Variants in B3GALNT2 observed in about 807,000 individuals in gnomAD.
B3GALNT2 encodes the protein UDP-GalNAc:beta-1,3-N-acetylgalactosaminyltransferase 2.
A neutral mutation model predicts 61.1 loss-of-function variants in B3GALNT2; 53 were observed. The ratio of observed to expected loss-of-function variants is 0.87; its 90% CI spans 0.70 to 1.09. The LOEUF (loss-of-function observed/expected upper bound fraction) is 1.09, where lower values mean the gene tolerates loss of function less well. Ranked by LOEUF, B3GALNT2 falls within the 50% of genes least tolerant of loss-of-function variation. The pLI, the probability that B3GALNT2 is intolerant of heterozygous loss-of-function variation, is 0.00. For missense variants in B3GALNT2, 544 were observed against 623.0 expected (o/e 0.87, Z 1.35); for synonymous variants, 223 against 237.4 (o/e 0.94, Z 0.56).
intron 1 of B3GALNT2, among the ~76,000 whole-genome samples, chr1:235,498,501 A>C (rs1249364710): frequency 2.0e-5 from 3 of 152,206 alleles, no homozygotes; most frequent in African/African-American, 7.2e-5. Flanking sequence ...GATTGTAACT[A>C]AATGATGGTA....
intron 4 of B3GALNT2, among the ~76,000 whole-genome samples, chr1:235,481,809 C>T (rs545553131): frequency 3.7e-4 from 57 of 152,218 alleles, no homozygotes; most frequent in African/African-American, 1.3e-3. Flanking sequence ...CATATATGGA[C>T]TCCTATAGTT....
At position 235,504,126 on chromosome 1, in the gene B3GALNT2, G is replaced by A; in HGVS notation, c.112+15C>T. 8.3e-7 allele frequency: 1 copy of A among 1,209,362 alleles called. No individual in the cohort carries two copies. The highest frequency in any genetic ancestry group is 1.0e-6 in the Non-Finnish European group (1 of 975,166). The allele number at this position is 1,209,362 out of a possible 1,614,324, so 74.9% of individuals were successfully genotyped here. The stretch of plus-strand genomic sequence containing the variant: ...CCCCCGGCGGCCGCCAACCCGCCCG[G>A]CCCCAGGACCTCACCTGCAGGGCCG... On this transcript the variant is annotated intron_variant, in intron 1 of 11. Coordinates refer to ENST00000366600, the MANE Select transcript of B3GALNT2 (RefSeq NM_152490.5).
At chr1:235,476,006 G>T (rs1402773933) in intron 5 of B3GALNT2, among the ~76,000 whole-genome samples, 2 of 151,922 alleles carry the variant, frequency 1.3e-5, no homozygotes, top group Admixed American at 1.3e-4. Context: ...TTTTTTAAAA[G>T]AAAAAATATT....
rs1478023067 is a variant in B3GALNT2 at position 235,494,801 on chromosome 1, T to C, written c.140A>G (p.Lys47Arg). 6.2e-7 allele frequency: 1 copy of C among 1,610,926 alleles called. No individual in the cohort carries two copies. Among genetic ancestry groups the C allele is most frequent in the Non-Finnish European group, 8.5e-7 (1 of 1,177,660 alleles). ...AACTACCACATCATAGTGAGTAGAT[T>C]TCCACTGAGGAAATAAGGCCAACTG... is the stretch of plus-strand genomic sequence containing the variant. ...ADQLALFPQWKSTHYDVVVGV... is the reference protein window; with the variant it reads ...ADQLALFPQWRSTHYDVVVGV... The change falls in exon 2 of 12, where the codon AAA becomes AGA. Residue 47 changes from lysine to arginine, a missense_variant. Lys to Arg is a conservative substitution (Grantham distance 26). Transcript: ENST00000366600.
intron 8 of B3GALNT2, among the ~76,000 whole-genome samples, chr1:235,457,699 G>A (rs1307603248): frequency 6.6e-6 from 1 of 152,046 alleles, no homozygotes; most frequent in East Asian, 1.9e-4. Flanking sequence ...AACGGATGGA[G>A]TAGAGACTGG....
intron 7 of B3GALNT2, chr1:235,463,477 C>T (rs889401470): frequency 3.0e-4 from 44 of 147,554 alleles, no homozygotes; most frequent in African/African-American, 1.1e-3. Context: ...ACAAGCTGAT[C>T]ATAAAATTCA....
chr1:235,498,184 A>G (rs1285908091), intron 1 of B3GALNT2, among the ~76,000 whole-genome samples: 1 of 152,326 alleles, frequency 6.6e-6, no homozygotes, highest in South Asian at 2.1e-4. Flanking sequence ...TGCATAATAA[A>G]ATACCTATGT....
Position 235,468,624 on chromosome 1 carries a change from T to C in B3GALNT2, c.762+2226A>G, listed in dbSNP as rs551670980. On this transcript the variant is annotated intron_variant, in intron 6 of 11. Coordinates refer to ENST00000366600, the MANE Select transcript of B3GALNT2 (RefSeq NM_152490.5). ...CCCGCCACCACAGCCAGCTAATTTT[T>C]GTATTTTTAGTAGAGACGGGATTTC... Among the ~76,000 whole-genome samples the C allele has an allele frequency of 6.0e-4, 92 of 152,138 alleles. 1 individual carries two copies. The highest frequency in any genetic ancestry group is 2.2e-3 in the African/African-American group (90 of 41,528).
In B3GALNT2 at chr1:235,489,224, G is replaced by C. The variant is rs1282657724; in HGVS notation, c.305C>G (p.Pro102Arg). 1 of 1,613,978 alleles carries C rather than the reference G, an allele frequency of 6.2e-7. No homozygotes were observed. The highest frequency in any genetic ancestry group is 1.7e-5 in the Admixed American group (1 of 60,006). Reference sequence around the variant, plus strand: ...ATAAGGATCCTCCCTGTCTTCCACAGGCACTTCACAGCCATGAGCACCTAT... The same window carrying C: ...ATAAGGATCCTCCCTGTCTTCCACACGCACTTCACAGCCATGAGCACCTAT... Reference protein sequence around the residue: ...FIIGAHGCEVPVEDREDPYSC... With the variant: ...FIIGAHGCEVRVEDREDPYSC... The change falls in exon 3 of 12, where the codon CCT becomes CGT. Residue 102 changes from proline (P) to arginine (R), a missense_variant. Coordinates refer to ENST00000366600, the MANE Select transcript of B3GALNT2 (RefSeq NM_152490.5).
intron 11 of B3GALNT2, 126 bp from the exon 12 acceptor site, chr1:235,450,466 G>T: frequency 8.2e-7 from 1 of 1,219,188 alleles, no homozygotes; most frequent in Non-Finnish European, 1.1e-6. Context: ...ATAACTCCGT[G>T]TGTGGAACAA....
chr1:235,471,036 AT>A, intron 5 of B3GALNT2, 76 bp from the exon 6 acceptor site: 1 of 1,557,888 alleles, frequency 6.4e-7, no homozygotes, highest in Non-Finnish European at 8.7e-7. Context: ...TTCAGGCAAG[AT>A]TTTTAGAGAA....
chr1:235,440,847 C>T, the B3GALNT2 span: 2 of 152,246 alleles, frequency 1.3e-5, no homozygotes, highest in Admixed American at 6.5e-5. Context: ...CAGCCTGGTT[C>T]TTCAGGCTTT....
At chr1:235,451,663 G>A (rs1449023048) in intron 11 of B3GALNT2, 1 of 152,176 alleles carries the variant, frequency 6.6e-6, no homozygotes, top group Admixed American at 6.5e-5. Context: ...GGACCATGTA[G>A]ATGTGGGTTG....
chr1:235,448,594 G>T lies in B3GALNT2; in HGVS notation c.*1612C>A. The stretch of plus-strand genomic sequence containing the variant: ...GTAAGCTACTGCCTGGGGACGGGGT[G>T]GGGGAAGAGTATGTGTAGCATGCTT... On this transcript the variant is annotated 3_prime_UTR_variant, in exon 12 of 12. Coordinates refer to ENST00000366600, the MANE Select transcript of B3GALNT2 (RefSeq NM_152490.5). 2.1e-6 allele frequency: 3 copies of T among 1,401,528 alleles called. No individual in the cohort carries two copies. The South Asian group carries it at 3.5e-5, about 16-fold the overall frequency. 86.8% of individuals were successfully genotyped at this position (1,401,528 alleles called of 1,614,324 possible).
intron 2 of B3GALNT2, among the ~76,000 whole-genome samples, chr1:235,490,721 T>C (rs190090676): frequency 4.4e-4 from 67 of 151,982 alleles, no homozygotes; most frequent in Non-Finnish European, 8.7e-4. Context: ...TTAAATTATA[T>C]AATCTTATAA....
downstream of B3GALNT2, among the ~76,000 whole-genome samples, chr1:235,446,732 T>C (rs1487472802): frequency 6.6e-6 from 1 of 151,778 alleles, no homozygotes; most frequent in African/African-American, 2.4e-5. Context: ...CTCACTTTGT[T>C]ACCCAGGCTG....
At chr1:235,440,156 G>A in the B3GALNT2 span, among the ~76,000 whole-genome samples, 1 of 152,240 alleles carries the variant, frequency 6.6e-6, no homozygotes, top group Non-Finnish European at 1.5e-5. Flanking sequence ...ATTTTTAGTA[G>A]GGACGGGGTT....
chr1:235,482,200 G>A (rs1236004036), intron 4 of B3GALNT2, among the ~76,000 whole-genome samples: 5 of 152,088 alleles, frequency 3.3e-5, no homozygotes, highest in Non-Finnish European at 7.3e-5. Flanking sequence ...AACTAGAGAA[G>A]AATCAGTACT....
At chr1:235,472,657 G>A (rs1251386746) in intron 5 of B3GALNT2, among the ~76,000 whole-genome samples, 1 of 152,152 alleles carries the variant, frequency 6.6e-6, no homozygotes, top group South Asian at 2.1e-4. Context: ...AACTCAAAAT[G>A]TTTGCTGAAT....
Sources: allele counts gnomAD v4.1 joint callset (sites outside exome capture counted in the v4.1 genomes callset), GRCh38; gene constraint gnomAD v4.1.1; transcripts MANE v1.5; gene names NCBI Gene and HGNC (gene_info 2026-07-23, HGNC 2026-07-21).